Variants in CNTN6 observed in about 807,000 individuals in gnomAD.
CNTN6 encodes the protein contactin 6, also known as contactin-6.
CNTN6 carries 137 observed loss-of-function variants against 122.8 expected under a neutral mutation model. The ratio of observed to expected loss-of-function variants is 1.12; its 90% CI spans 0.97 to 1.29. The LOEUF is 1.29. Ranked by LOEUF, CNTN6 falls within the 50% of genes most tolerant of loss-of-function variation. The pLI is 0.00. For synonymous variants in CNTN6, 570 were observed against 426.0 expected (o/e 1.34, Z -4.16); for missense variants, 1,634 against 1,223.4 (o/e 1.34, Z -5.01).
At chr3:1,400,798 G>C (rs9880762) in intron 20 of CNTN6, among the ~76,000 whole-genome samples, 32,323 of 151,954 alleles carry the variant, frequency 0.21, 3,739 homozygotes, top group Non-Finnish European at 0.24. Context: ...GAATGACAAA[G>C]AGGTACTCTC....
intron 4 of CNTN6, among the ~76,000 whole-genome samples, chr3:1,256,173 G>T (rs977693195): frequency 3.3e-5 from 5 of 152,182 alleles, no homozygotes; most frequent in African/African-American, 9.6e-5. Flanking sequence ...GCCTATTATA[G>T]AATGTAATTT....
At chr3:1,342,353 C>A (rs1186625161) in intron 11 of CNTN6, among the ~76,000 whole-genome samples, 6 of 152,130 alleles carry the variant, frequency 3.9e-5, no homozygotes, top group Non-Finnish European at 7.4e-5. Context: ...TGGTCTCGAA[C>A]TCCTGACCTA....
chr3:1,267,067 T>TGCCACGCCCC (rs2094938095), intron 4 of CNTN6, among the ~76,000 whole-genome samples: 1 of 147,562 alleles, frequency 6.8e-6, no homozygotes, highest in African/African-American at 2.5e-5. Context: ...AGGCACACAC[T>TGCCACGCCCC]GCCACGCCCC....
chr3:1,125,218 T>C (rs1000477740), intron 1 of CNTN6, among the ~76,000 whole-genome samples: 2 of 151,986 alleles, frequency 1.3e-5, no homozygotes, highest in South Asian at 2.1e-4. Context: ...TTGGCCCTAA[T>C]TGACTAAAAC....
chr3:1,206,129 T>A (rs2093954687), intron 2 of CNTN6, among the ~76,000 whole-genome samples: 1 of 152,160 alleles, frequency 6.6e-6, no homozygotes, highest in Admixed American at 6.6e-5. Flanking sequence ...ATGTCCATAT[T>A]GAAATTTTCG....
At chr3:1,271,873 A>G (rs1430338611) in intron 4 of CNTN6, among the ~76,000 whole-genome samples, 1 of 152,174 alleles carries the variant, frequency 6.6e-6, no homozygotes, top group African/African-American at 2.4e-5. Context: ...GCAGTGTTTT[A>G]GTGTGAACCG....
rs374907804 is a variant in CNTN6 at position 1,201,099 on chromosome 3, T to G, written c.56-19588T>G. ...GGCACCACTGTGCCCAGCTAACATTTTGTGTGTGTGTGTGTGTGTGTGTGT... is the reference window on the plus strand; with the variant it reads ...GGCACCACTGTGCCCAGCTAACATTGTGTGTGTGTGTGTGTGTGTGTGTGT... On this transcript the variant is annotated intron_variant, in intron 2 of 22. Coordinates refer to ENST00000446702, the MANE Select transcript of CNTN6 (RefSeq NM_001289080.2). Among the ~76,000 whole-genome samples the G allele has an allele frequency of 3.6e-3, 466 of 130,078 alleles. 5 individuals carry two copies. Among genetic ancestry groups the G allele is most frequent in the African/African-American group, 7.9e-3 (275 of 34,942 alleles). The allele number at this position is 130,078 out of a possible 152,430, so 85.3% of individuals were successfully genotyped here.
intron 2 of CNTN6, among the ~76,000 whole-genome samples, chr3:1,157,065 G>A (rs1281999020): frequency 6.6e-6 from 1 of 151,066 alleles, no homozygotes; most frequent in Non-Finnish European, 1.5e-5. Flanking sequence ...CATAGTAGGT[G>A]TATATATTTA....
chr3:1,263,658 T>C (rs2094882863), intron 4 of CNTN6, among the ~76,000 whole-genome samples: 1 of 152,186 alleles, frequency 6.6e-6, no homozygotes, highest in Non-Finnish European at 1.5e-5. Flanking sequence ...TCACTCGCTT[T>C]AGAGGTATAA....
At chr3:1,381,390 G>T (rs1284772615) in intron 17 of CNTN6, among the ~76,000 whole-genome samples, 2 of 152,116 alleles carry the variant, frequency 1.3e-5, no homozygotes, top group Admixed American at 1.3e-4. Flanking sequence ...GTATTTGTTA[G>T]ACTGTTCCAC....
intron 2 of CNTN6, among the ~76,000 whole-genome samples, chr3:1,169,548 T>C (rs1047373878): frequency 1.3e-5 from 2 of 152,232 alleles, no homozygotes; most frequent in African/African-American, 4.8e-5. Context: ...AGAAAAATAA[T>C]ATAAAGAGGC....
intron 1 of CNTN6, among the ~76,000 whole-genome samples, chr3:1,122,396 A>AGG (rs1231126961): frequency 5.7e-4 from 84 of 146,264 alleles, no homozygotes; most frequent in African/African-American, 2.2e-3. Context: ...TGAAGGAGGA[A>AGG]AGAAGGGGTT....
At chr3:1,231,606 C>G (rs572524135) in intron 4 of CNTN6, among the ~76,000 whole-genome samples, 4 of 152,328 alleles carry the variant, frequency 2.6e-5, no homozygotes, top group Admixed American at 2.6e-4. Flanking sequence ...TATATAAAAA[C>G]TACCTGTTGT....
At chr3:1,133,058 T>TA (rs2092382047) in intron 1 of CNTN6, among the ~76,000 whole-genome samples, 1 of 152,072 alleles carries the variant, frequency 6.6e-6, no homozygotes, top group African/African-American at 2.4e-5. Context: ...CAAGGACACA[T>TA]ACACAAGATC....
intron 2 of CNTN6, among the ~76,000 whole-genome samples, chr3:1,177,771 G>T (rs970265): frequency 0.58 from 88,376 of 151,450 alleles, 26,555 homozygotes; most frequent in African/African-American, 0.72. Flanking sequence ...TTTATTTTTC[G>T]GTATATATGT....
chr3:1,210,862 T>C (rs755217804), intron 2 of CNTN6, among the ~76,000 whole-genome samples: 7 of 152,344 alleles, frequency 4.6e-5, no homozygotes, highest in Non-Finnish European at 7.3e-5. Flanking sequence ...CCTGGTATCT[T>C]TCTTGATCTG....
chr3:1,183,722 A>G (rs893732976), intron 2 of CNTN6, among the ~76,000 whole-genome samples: 1 of 152,170 alleles, frequency 6.6e-6, no homozygotes, highest in Non-Finnish European at 1.5e-5. Flanking sequence ...GCTGTATAAT[A>G]ATATTACCAC....
intron 1 of CNTN6, among the ~76,000 whole-genome samples, chr3:1,126,781 A>C (rs2092176265): frequency 6.6e-6 from 1 of 151,902 alleles, no homozygotes; most frequent in South Asian, 2.1e-4. Context: ...CTTTACATTC[A>C]GAGTTACTTC....
At chr3:1,105,243 G>C (rs753493626) in intron 1 of CNTN6, among the ~76,000 whole-genome samples, 4 of 152,064 alleles carry the variant, frequency 2.6e-5, no homozygotes, top group Non-Finnish European at 5.9e-5. Flanking sequence ...CAGTATTTCA[G>C]TATTGCTCTA....
Sources: allele counts gnomAD v4.1 joint callset (sites outside exome capture counted in the v4.1 genomes callset), GRCh38; gene constraint gnomAD v4.1.1; transcripts MANE v1.5; gene names NCBI Gene and HGNC (gene_info 2026-07-23, HGNC 2026-07-21).